Variants in HPSE2 observed in about 807,000 individuals in gnomAD.
HPSE2 encodes heparanase 2 (inactive).
HPSE2 carries 38 observed loss-of-function variants against 60.5 expected under a neutral mutation model. The ratio of observed to expected loss-of-function variants is 0.63; its 90% CI spans 0.48 to 0.82. The LOEUF is 0.82. Ranked by LOEUF, HPSE2 falls within the 40% of genes least tolerant of loss-of-function variation. The pLI, the probability that HPSE2 is intolerant of heterozygous loss-of-function variation, is 0.00. For synonymous variants in HPSE2, 295 were observed against 293.2 expected, an observed-to-expected ratio of 1.01 and a Z score of -0.06; for missense variants, 713 against 740.4, an observed-to-expected ratio of 0.96 and a Z score of 0.43.
the HPSE2 span, among the ~76,000 whole-genome samples, chr10:99,265,327 A>C: frequency 6.6e-6 from 1 of 152,188 alleles, no homozygotes; most frequent in Non-Finnish European, 1.5e-5. Context: ...TGAAATATAC[A>C]GCCTTGTTGC....
At chr10:99,292,221 G>A in the HPSE2 span, among the ~76,000 whole-genome samples, 1 of 152,162 alleles carries the variant, frequency 6.6e-6, no homozygotes, top group Non-Finnish European at 1.5e-5. Context: ...AAAACAGGCT[G>A]GGAACTGGCT....
chr10:98,520,729 A>C (rs1418686720), intron 9 of HPSE2, among the ~76,000 whole-genome samples: 2 of 152,256 alleles, frequency 1.3e-5, no homozygotes, highest in Non-Finnish European at 2.9e-5. Context: ...AAGCCAAGGC[A>C]TAAGTGTAGA....
intron 5 of HPSE2, among the ~76,000 whole-genome samples, chr10:98,702,979 A>T (rs964122389): frequency 2.6e-5 from 4 of 152,160 alleles, no homozygotes; most frequent in Non-Finnish European, 4.4e-5. Flanking sequence ...TTCAAGAAAA[A>T]AAACAATGAA....
intron 9 of HPSE2, among the ~76,000 whole-genome samples, chr10:98,534,331 A>T (rs1943217604): frequency 6.6e-6 from 1 of 152,236 alleles, no homozygotes; most frequent in Non-Finnish European, 1.5e-5. Flanking sequence ...AATCTGCCTC[A>T]TAGTCATAAC....
chr10:98,884,758 C>T (rs1419043855), intron 3 of HPSE2, among the ~76,000 whole-genome samples: 1 of 151,982 alleles, frequency 6.6e-6, no homozygotes, highest in East Asian at 1.9e-4. Context: ...GAAACTGTTC[C>T]ACCTCAGATC....
At chr10:98,939,527 G>A (rs1451438708) in intron 3 of HPSE2, among the ~76,000 whole-genome samples, 1 of 143,672 alleles carries the variant, frequency 7.0e-6, no homozygotes, top group African/African-American at 2.8e-5. Context: ...AACAAGAAGA[G>A]CTAACTATCC....
In HPSE2 at chr10:98,946,385, A is replaced by C. The variant is rs11815058; in HGVS notation, c.610+197853T>G. Among the ~76,000 whole-genome samples the C allele has an allele frequency of 4.1e-3, 627 of 151,788 alleles. 2 individuals are homozygous for C. Among genetic ancestry groups the C allele is most frequent in the African/African-American group, 0.014 (600 of 41,412 alleles). On this transcript the variant is annotated intron_variant, in intron 3 of 11. Coordinates refer to ENST00000370552, the MANE Select transcript of HPSE2 (RefSeq NM_021828.5). ...CTAATTGGGAGGCTGAGGCAGGAGC[A>C]TCGTTTCAGCCCACGAGTTTTAGAC...
At chr10:99,275,278 C>T in the HPSE2 span, among the ~76,000 whole-genome samples, 16 of 152,204 alleles carry the variant, frequency 1.1e-4, no homozygotes, top group Admixed American at 3.9e-4. Context: ...TTTATTTTAC[C>T]GTTTACAGTT....
chr10:99,068,683 TA>T (rs1428345203), intron 3 of HPSE2, among the ~76,000 whole-genome samples: 2 of 151,988 alleles, frequency 1.3e-5, no homozygotes, highest in African/African-American at 4.8e-5. Context: ...AACAAAACAT[TA>T]AAAGCTTCTC....
At chr10:99,121,500 A>G (rs1844952232) in intron 3 of HPSE2, among the ~76,000 whole-genome samples, 1 of 151,008 alleles carries the variant, frequency 6.6e-6, no homozygotes, top group Non-Finnish European at 1.5e-5. Context: ...TGTTTAACTT[A>G]AAAGAAAATA....
intron 3 of HPSE2, among the ~76,000 whole-genome samples, chr10:99,036,818 ACTC>A: frequency 6.6e-6 from 1 of 152,108 alleles, no homozygotes; most frequent in African/African-American, 2.4e-5. Flanking sequence ...ATCCCTCCAT[ACTC>A]CTCGTTTCAT....
At chr10:98,556,826 A>G (rs1944021408) in intron 9 of HPSE2, among the ~76,000 whole-genome samples, 1 of 151,820 alleles carries the variant, frequency 6.6e-6, no homozygotes, top group African/African-American at 2.4e-5. Context: ...TTTATACGGC[A>G]ATGCCAAAAG....
At chr10:98,820,738 C>T (rs1412554167) in intron 3 of HPSE2, among the ~76,000 whole-genome samples, 1 of 152,156 alleles carries the variant, frequency 6.6e-6, no homozygotes, top group Non-Finnish European at 1.5e-5. Context: ...TTATAGCCAG[C>T]AATTAGGTTC....
At position 99,046,232 on chromosome 10, in the gene HPSE2, A is replaced by G. The variant is rs555571462; in HGVS notation, c.610+98006T>C. ...ATTAACAGAATTAAAAGCAAAAACCATATGATTACTTCAATAAATACAGAA... is the reference window on the plus strand; with the variant it reads ...ATTAACAGAATTAAAAGCAAAAACCGTATGATTACTTCAATAAATACAGAA... On this transcript the variant is annotated intron_variant, in intron 3 of 11. Transcript: ENST00000370552. Among the ~76,000 whole-genome samples the G allele has an allele frequency of 1.4e-3, 214 of 152,302 alleles. 2 individuals are homozygous for G. Among genetic ancestry groups the G allele is most frequent in the Non-Finnish European group, 2.7e-3 (181 of 68,016 alleles).
chr10:99,192,394 T>C (rs1848251862), intron 2 of HPSE2, among the ~76,000 whole-genome samples: 1 of 151,972 alleles, frequency 6.6e-6, no homozygotes, highest in South Asian at 2.1e-4. Context: ...CCAATACATC[T>C]GGCAATGGAC....
rs151024106 is a variant in HPSE2, at chr10:98,705,836, G to C, written c.957-11889C>G. Among the ~76,000 whole-genome samples, 206 of 152,232 alleles carry C rather than the reference G, an allele frequency of 1.4e-3. 3 individuals are homozygous for C. Among genetic ancestry groups the C allele is most frequent in the African/African-American group, 4.7e-3 (197 of 41,546 alleles). ...GGCTTAAAACCTAGATGACGGGTTT[G>C]ATAGGTGCAGGATGCCACCATGACA... On this transcript the variant is annotated intron_variant, in intron 5 of 11. Transcript: ENST00000370552.
At chr10:99,095,228 T>C (rs1843679875) in intron 3 of HPSE2, among the ~76,000 whole-genome samples, 1 of 152,162 alleles carries the variant, frequency 6.6e-6, no homozygotes, top group Admixed American at 6.5e-5. Flanking sequence ...TGAGAAAAGT[T>C]GTTTTGGTAC....
chr10:98,542,304 C>T (rs1943498218), intron 9 of HPSE2, among the ~76,000 whole-genome samples: 1 of 152,162 alleles, frequency 6.6e-6, no homozygotes, highest in African/African-American at 2.4e-5. Context: ...ACAGAAAGGA[C>T]ATCCACACCA....
At chr10:98,893,627 A>G (rs1260122305) in intron 3 of HPSE2, among the ~76,000 whole-genome samples, 1 of 152,178 alleles carries the variant, frequency 6.6e-6, no homozygotes, top group Non-Finnish European at 1.5e-5. Flanking sequence ...AATTCTGAAT[A>G]AAACATAAAA....
Sources: allele counts gnomAD v4.1 joint callset (sites outside exome capture counted in the v4.1 genomes callset), GRCh38; gene constraint gnomAD v4.1.1; transcripts MANE v1.5; gene names NCBI Gene and HGNC (gene_info 2026-07-23, HGNC 2026-07-21).